MINDY4: variants seen among roughly 807,000 people sequenced by gnomAD.
MINDY4 encodes probable ubiquitin carboxyl-terminal hydrolase MINDY-4.
MINDY4 carries 68 observed loss-of-function variants against 87.0 expected under a neutral mutation model. The observed-to-expected ratio is 0.78, with a 90% CI of 0.64 to 0.96. The LOEUF (loss-of-function observed/expected upper bound fraction) is 0.96. MINDY4 is among the 40% of genes least tolerant of loss of function. The pLI is 0.00. For missense variants in MINDY4, 919 were observed against 928.2 expected (o/e 0.99, Z 0.13); for synonymous variants, 379 against 363.2 (o/e 1.04, Z -0.50).
Position 30,892,088 on chromosome 7 carries a change from C to A in MINDY4, c.*83C>A. 2 of 1,492,846 alleles carry A rather than the reference C, an allele frequency of 1.3e-6. No homozygotes were observed. Among genetic ancestry groups the A allele is most frequent in the Non-Finnish European group, 1.9e-6 (2 of 1,070,678 alleles). The allele number at this position is 1,492,846 out of a possible 1,614,324, so 92.5% of individuals were successfully genotyped here. ...ACAGCTGAACCCCAAGCCTCTGGGG[C>A]AGGTCTCATGTACCCCAACCTGGGT... On this transcript the variant is annotated 3_prime_UTR_variant, in exon 18 of 18. Coordinates refer to ENST00000265299, the MANE Select transcript of MINDY4 (RefSeq NM_032222.3).
At chr7:30,851,781 G>A (rs566057142) in intron 10 of MINDY4, among the ~76,000 whole-genome samples, 3 of 152,356 alleles carry the variant, frequency 2.0e-5, no homozygotes, top group South Asian at 4.1e-4. Context: ...ATTCCTGGAC[G>A]TCTTGGGCTA....
chr7:30,852,710 T>A (rs1789451018), intron 11 of MINDY4, among the ~76,000 whole-genome samples: 3 of 152,228 alleles, frequency 2.0e-5, no homozygotes. Flanking sequence ...TAAAGCCAGA[T>A]CTAAGTCATA....
chr7:30,832,563 T>C (rs925140461), intron 6 of MINDY4, among the ~76,000 whole-genome samples: 4 of 152,114 alleles, frequency 2.6e-5, no homozygotes, highest in Non-Finnish European at 2.9e-5. Flanking sequence ...AGTGCAGTGG[T>C]GTAATCTCAG....
chr7:30,793,088 A>G (rs1016718076), intron 5 of MINDY4, among the ~76,000 whole-genome samples: 1 of 147,492 alleles, frequency 6.8e-6, no homozygotes, highest in Admixed American at 6.7e-5. Flanking sequence ...TTAGGCATGT[A>G]CTACTAATTT....
rs1377098005 is a variant in MINDY4, at chr7:30,778,418, C to G, written c.64-14C>G. 6.2e-7 allele frequency: 1 copy of G among 1,614,094 alleles called. No homozygotes were observed. The highest frequency in any genetic ancestry group is 8.5e-7 in the Non-Finnish European group (1 of 1,180,036). On this transcript the variant is annotated splice_polypyrimidine_tract_variant and intron_variant, in intron 1 of 17. Coordinates refer to ENST00000265299, the MANE Select transcript of MINDY4 (RefSeq NM_032222.3). ...TTTAAGATGGTAAACAGCGATTCAG[C>G]TTTCTTCCCTCAGGGCTTAAAGAAG... is the stretch of plus-strand genomic sequence containing the variant.
chr7:30,853,307 T>A, intron 11 of MINDY4, 87 bp from the exon 12 acceptor site: 1 of 1,122,094 alleles, frequency 8.9e-7, no homozygotes. Context: ...ATTTTGTAGC[T>A]ACTAAAGCCA....
intron 14 of MINDY4, among the ~76,000 whole-genome samples, chr7:30,873,233 C>T (rs558074342): frequency 1.1e-4 from 17 of 152,304 alleles, no homozygotes; most frequent in African/African-American, 3.4e-4. Flanking sequence ...TCTGGCTGCC[C>T]GGGGTGGCCT....
chr7:30,802,049 T>G (rs1031888758), intron 5 of MINDY4, among the ~76,000 whole-genome samples: 2 of 151,898 alleles, frequency 1.3e-5, no homozygotes, highest in African/African-American at 4.8e-5. Context: ...GTTGTTGGGC[T>G]CTGAGATAAT....
intron 6 of MINDY4, among the ~76,000 whole-genome samples, chr7:30,834,710 G>A (rs1228441343): frequency 6.6e-6 from 1 of 152,094 alleles, no homozygotes; most frequent in Non-Finnish European, 1.5e-5. Flanking sequence ...TATAAAACTG[G>A]ATGCCTTTAA....
intron 14 of MINDY4, among the ~76,000 whole-genome samples, chr7:30,873,956 C>T (rs1293125072): frequency 6.6e-6 from 1 of 152,172 alleles, no homozygotes; most frequent in Non-Finnish European, 1.5e-5. Flanking sequence ...GGTCCCTCTG[C>T]GGCCATCAGA....
At chr7:30,794,971 G>A (rs1397876266) in intron 5 of MINDY4, among the ~76,000 whole-genome samples, 11 of 152,116 alleles carry the variant, frequency 7.2e-5, no homozygotes, top group South Asian at 2.1e-4. Context: ...GATGTAGTAC[G>A]GAGCATGGGA....
chr7:30,771,671 C>T lies in MINDY4; in HGVS notation c.63+115C>T, dbSNP rs1310761892. On this transcript the variant is annotated intron_variant, in intron 1 of 17. Transcript: ENST00000265299. ...AGGGCGCCCGTTCCCTACCTACTGCCTGCTCCAGAGATGCCCCAGAAGAGC... is the reference window on the plus strand; with the variant it reads ...AGGGCGCCCGTTCCCTACCTACTGCTTGCTCCAGAGATGCCCCAGAAGAGC... The T allele has an allele frequency of 1.4e-5, 14 of 990,812 alleles. 1 individual carries two copies. The highest frequency in any genetic ancestry group is 5.1e-5 in the Admixed American group (2 of 39,006). 61.4% of individuals were successfully genotyped at this position (990,812 alleles called of 1,614,324 possible).
chr7:30,890,170 G>A (rs1259271710), intron 17 of MINDY4, among the ~76,000 whole-genome samples: 3 of 152,220 alleles, frequency 2.0e-5, no homozygotes, highest in Admixed American at 1.3e-4. Flanking sequence ...GGCTGAGCGT[G>A]TTTTCCAGCA....
intron 15 of MINDY4, among the ~76,000 whole-genome samples, chr7:30,880,086 T>C (rs1483167375): frequency 6.6e-6 from 1 of 152,148 alleles, no homozygotes; most frequent in Non-Finnish European, 1.5e-5. Flanking sequence ...TAGCACTATG[T>C]CCCCATTGCT....
intron 6 of MINDY4, among the ~76,000 whole-genome samples, chr7:30,833,997 A>G (rs1006821487): frequency 4.6e-5 from 7 of 152,130 alleles, no homozygotes; most frequent in Non-Finnish European, 1.0e-4. Flanking sequence ...AGTTGCTTTC[A>G]TGGGCTGGTG....
At chr7:30,808,144 A>C (rs1787869989) in intron 5 of MINDY4, among the ~76,000 whole-genome samples, 3 of 152,172 alleles carry the variant, frequency 2.0e-5, no homozygotes. Context: ...GCCCCGGTGG[A>C]ATGCCTTGCC....
chr7:30,879,770 ATCTTAAT>A (rs1790402421), intron 15 of MINDY4, among the ~76,000 whole-genome samples: 1 of 152,152 alleles, frequency 6.6e-6, no homozygotes, highest in Non-Finnish European at 1.5e-5. Context: ...CCATCAGGGT[ATCTTAAT>A]TCTTTCCTTC....
intron 3 of MINDY4, among the ~76,000 whole-genome samples, chr7:30,783,010 T>G (rs1787050382): frequency 6.6e-6 from 1 of 152,188 alleles, no homozygotes; most frequent in Admixed American, 6.5e-5. Context: ...ACTAAACAAT[T>G]GGGTACCATA....
intron 5 of MINDY4, among the ~76,000 whole-genome samples, chr7:30,808,253 A>T (rs908239946): frequency 6.6e-6 from 1 of 152,126 alleles, no homozygotes; most frequent in Non-Finnish European, 1.5e-5. Context: ...ACTTGGTAAG[A>T]CTAGTCTTTG....
Sources: allele counts gnomAD v4.1 joint callset (sites outside exome capture counted in the v4.1 genomes callset), GRCh38; gene constraint gnomAD v4.1.1; transcripts MANE v1.5; gene names NCBI Gene and HGNC (gene_info 2026-07-23, HGNC 2026-07-21).